Variants in GABRG3 observed in about 807,000 individuals in gnomAD.
GABRG3 encodes gamma-aminobutyric acid type A receptor subunit gamma3.
Under a neutral mutation model 48.8 loss-of-function variants are expected in GABRG3, and 25 were observed. The observed-to-expected ratio is 0.51, with a 90% CI of 0.37 to 0.72. GABRG3 has a LOEUF of 0.72. Ranked by LOEUF, GABRG3 falls within the 30% of genes least tolerant of loss-of-function variation. GABRG3 has a pLI of 0.00. For missense variants in GABRG3, 394 were observed against 577.9 expected, an observed-to-expected ratio of 0.68 and a Z score of 3.26; for synonymous variants, 227 against 217.6, an observed-to-expected ratio of 1.04 and a Z score of -0.38.
intron 3 of GABRG3, among the ~76,000 whole-genome samples, chr15:27,250,910 T>C (rs1890434129): frequency 6.6e-6 from 1 of 152,186 alleles, no homozygotes; most frequent in Non-Finnish European, 1.5e-5. Flanking sequence ...TTCTCTGTGT[T>C]GTTCCTTCCT....
Position 27,532,960 on chromosome 15 carries a change from C to A in GABRG3, c.*79C>A. ...CGTCCCCAGACCAGTAGTGACCAAT[C>A]GGGAGTAGCAAGGAAGGACACTGCC... is the stretch of plus-strand genomic sequence containing the variant. On this transcript the variant is annotated 3_prime_UTR_variant, in exon 10 of 10. Coordinates refer to ENST00000615808, the MANE Select transcript of GABRG3 (RefSeq NM_033223.5). 1 of 1,389,260 alleles carries A rather than the reference C, an allele frequency of 7.2e-7. No homozygotes were observed. Among genetic ancestry groups the A allele is most frequent in the South Asian group, 1.4e-5 (1 of 73,702 alleles). 86.1% of individuals were successfully genotyped at this position (1,389,260 alleles called of 1,614,324 possible). A position where few individuals can be genotyped will look rare whatever the true frequency, so the allele number is the denominator to read the frequency against.
rs543016419 is a variant in GABRG3 at position 26,994,922 on chromosome 15, G to A, written c.202+17772G>A. On this transcript the variant is annotated intron_variant, in intron 2 of 9. Coordinates refer to ENST00000615808, the MANE Select transcript of GABRG3 (RefSeq NM_033223.5). ...TGTTCTATGTGCACTTAAGAAAAAT[G>A]TTTATTCTGCTGTTATTGGATGGAG... 3.4e-4 allele frequency among the ~76,000 whole-genome samples: 51 copies of A among 152,114 alleles called. 1 individual carries two copies. In the South Asian group the frequency reaches 0.01, roughly 30 times the overall value.
At chr15:27,346,814 C>T (rs373506657) in intron 5 of GABRG3, among the ~76,000 whole-genome samples, 1 of 152,246 alleles carries the variant, frequency 6.6e-6, no homozygotes, top group South Asian at 2.1e-4. Context: ...TCTCTGTTTA[C>T]ATTATCTAAC....
chr15:27,299,025 T>C (rs960056417), intron 3 of GABRG3, among the ~76,000 whole-genome samples: 3 of 152,226 alleles, frequency 2.0e-5, no homozygotes, highest in African/African-American at 7.2e-5. Flanking sequence ...GGCTCACATC[T>C]GTAATCCCCG....
chr15:27,242,814 TG>T (rs1431872929), intron 3 of GABRG3, among the ~76,000 whole-genome samples: 3 of 152,234 alleles, frequency 2.0e-5, no homozygotes, highest in African/African-American at 7.2e-5. Flanking sequence ...TTGTTAACTA[TG>T]AGATTATTCT....
At chr15:27,117,667 C>T (rs959747071) in intron 3 of GABRG3, among the ~76,000 whole-genome samples, 2 of 152,178 alleles carry the variant, frequency 1.3e-5, no homozygotes, top group East Asian at 3.8e-4. Flanking sequence ...AGTTTTTCTT[C>T]ATCTGCTAAT....
chr15:27,167,914 G>C (rs73373458), intron 3 of GABRG3, among the ~76,000 whole-genome samples: 16,288 of 152,226 alleles, frequency 0.11, 1,990 homozygotes, highest in African/African-American at 0.3. Context: ...TGCAGGAACA[G>C]AGGCCCTGGC....
At chr15:27,138,791 C>G (rs1898052933) in intron 3 of GABRG3, among the ~76,000 whole-genome samples, 1 of 152,196 alleles carries the variant, frequency 6.6e-6, no homozygotes, top group Non-Finnish European at 1.5e-5. Context: ...CTATATCATT[C>G]TGAATAATTA....
At chr15:27,078,013 C>T (rs1048517022) in intron 3 of GABRG3, among the ~76,000 whole-genome samples, 1 of 152,214 alleles carries the variant, frequency 6.6e-6, no homozygotes, top group African/African-American at 2.4e-5. Context: ...CTGGCGCCCT[C>T]TGTGATGCTG....
intron 3 of GABRG3, among the ~76,000 whole-genome samples, chr15:27,111,222 GT>G (rs1196586413): frequency 1.3e-5 from 2 of 152,024 alleles, no homozygotes; most frequent in African/African-American, 4.8e-5. Flanking sequence ...TTGTGCGTGT[GT>G]TTTTTTAGTA....
At chr15:27,406,679 C>T (rs1887644915) in intron 5 of GABRG3, among the ~76,000 whole-genome samples, 1 of 152,120 alleles carries the variant, frequency 6.6e-6, no homozygotes, top group Non-Finnish European at 1.5e-5. Flanking sequence ...AAGGAGAGAA[C>T]ACAGATAATC....
chr15:26,994,405 A>G lies in GABRG3; in HGVS notation c.202+17255A>G, dbSNP rs140763354. The stretch of plus-strand genomic sequence containing the variant: ...TTCCCATGAGGCTTGCAAATACTCT[A>G]TAACTCATTATTTGAAACTGATGAT... On this transcript the variant is annotated intron_variant, in intron 2 of 9. Transcript: ENST00000615808. 1.4e-3 allele frequency among the ~76,000 whole-genome samples: 207 copies of G among 152,004 alleles called. 3 individuals are homozygous for G. Among genetic ancestry groups the G allele is most frequent in the African/African-American group, 4.8e-3 (198 of 41,516 alleles).
chr15:27,510,543 G>A (rs80021762), intron 6 of GABRG3, among the ~76,000 whole-genome samples: 5,909 of 152,192 alleles, frequency 0.039, 403 homozygotes, highest in African/African-American at 0.14. Flanking sequence ...TCTCCCAGGC[G>A]GCCCCATGGG....
chr15:27,129,718 T>C (rs539031018), intron 3 of GABRG3, among the ~76,000 whole-genome samples: 1 of 152,128 alleles, frequency 6.6e-6, no homozygotes, highest in South Asian at 2.1e-4. Context: ...GTTTTGTTTT[T>C]TTTTTTTTCA....
chr15:27,240,473 T>A lies in GABRG3; in HGVS notation c.271-86336T>A, dbSNP rs557373042. Among the ~76,000 whole-genome samples, 5 of 152,320 alleles carry A rather than the reference T, an allele frequency of 3.3e-5. No homozygotes were observed. The East Asian group carries it at 9.6e-4, about 29-fold the overall frequency. ...TGATTTGGGGAAGTTACATCACAAT[T>A]AGTTAATATGTTATAAGTCTCATAC... On this transcript the variant is annotated intron_variant, in intron 3 of 9. Coordinates refer to ENST00000615808, the MANE Select transcript of GABRG3 (RefSeq NM_033223.5).
At chr15:27,498,978 C>T (rs568497202) in intron 6 of GABRG3, among the ~76,000 whole-genome samples, 47 of 152,154 alleles carry the variant, frequency 3.1e-4, no homozygotes, top group African/African-American at 1.1e-3. Context: ...GATGTGGCTG[C>T]GCTTAGTCCA....
chr15:27,375,354 G>A (rs927316445), intron 5 of GABRG3, among the ~76,000 whole-genome samples: 3 of 152,178 alleles, frequency 2.0e-5, no homozygotes, highest in Admixed American at 6.5e-5. Context: ...GAGAGCAGGG[G>A]AAGGTCAGAG....
At chr15:27,307,087 T>A (rs1892585108) in intron 3 of GABRG3, among the ~76,000 whole-genome samples, 1 of 127,612 alleles carries the variant, frequency 7.8e-6, no homozygotes, top group Non-Finnish European at 1.6e-5. Context: ...TGTTTATATA[T>A]AAACATATAA....
At chr15:27,199,644 A>G (rs1888617358) in intron 3 of GABRG3, among the ~76,000 whole-genome samples, 1 of 152,130 alleles carries the variant, frequency 6.6e-6, no homozygotes. Flanking sequence ...CCCTCTCGCC[A>G]GCTGATGTGC....
Sources: allele counts gnomAD v4.1 joint callset (sites outside exome capture counted in the v4.1 genomes callset), GRCh38; gene constraint gnomAD v4.1.1; transcripts MANE v1.5; gene names NCBI Gene and HGNC (gene_info 2026-07-23, HGNC 2026-07-21).